Variants in FNIP2 observed in about 807,000 individuals in gnomAD.
FNIP2 encodes the protein folliculin-interacting protein 2.
Under a neutral mutation model 108.7 loss-of-function variants are expected in FNIP2, and 32 were observed. That is an observed-to-expected ratio of 0.29 (90% confidence interval 0.22 to 0.40). The LOEUF is 0.40. FNIP2 is among the 10% of genes least tolerant of loss of function. The pLI is 1.00. For missense variants in FNIP2, 1,202 were observed against 1,381.6 expected (o/e 0.87, Z 2.06); for synonymous variants, 480 against 496.7 (o/e 0.97, Z 0.45).
At chr4:158,779,737 C>CT (rs34598926) in intron 1 of FNIP2, among the ~76,000 whole-genome samples, 46,130 of 133,252 alleles carry the variant, frequency 0.35, 8,534 homozygotes, top group Middle Eastern at 0.4. Flanking sequence ...CCATACCCAC[C>CT]TTTTTTTTTT....
At chr4:158,815,448 G>GAT (rs1777511161) in intron 1 of FNIP2, among the ~76,000 whole-genome samples, 1 of 148,934 alleles carries the variant, frequency 6.7e-6, no homozygotes, top group Non-Finnish European at 1.5e-5. Flanking sequence ...AGTGGCGCCA[G>GAT]CTCCGCTCAC....
chr4:158,899,457 T>C (rs1783001393), intron 16 of FNIP2, among the ~76,000 whole-genome samples: 1 of 152,202 alleles, frequency 6.6e-6, no homozygotes, highest in African/African-American at 2.4e-5. Context: ...CTGGTAGAAT[T>C]TGGCTGTGAA....
chr4:158,787,826 C>T lies in FNIP2; in HGVS notation c.107+18507C>T, dbSNP rs77702895. Reference sequence around the variant, plus strand: ...CAGCCTCTTTCGTGTGGCGGCCCTGCCTCATTTCTCTTTGCTCTTCCCCTC... The same window carrying T: ...CAGCCTCTTTCGTGTGGCGGCCCTGTCTCATTTCTCTTTGCTCTTCCCCTC... On this transcript the variant is annotated intron_variant, in intron 1 of 16. Transcript: ENST00000264433. Among the ~76,000 whole-genome samples the T allele has an allele frequency of 7.2e-3, 1,100 of 152,242 alleles. 12 individuals carry two copies. Among genetic ancestry groups the T allele is most frequent in the Middle Eastern group, 0.02 (6 of 294 alleles).
chr4:158,891,188 C>T (rs1363214222), intron 14 of FNIP2, among the ~76,000 whole-genome samples: 1 of 150,756 alleles, frequency 6.6e-6, no homozygotes, highest in Non-Finnish European at 1.5e-5. Flanking sequence ...TCTATCCTCC[C>T]CCTCCCCCAC....
At chr4:158,816,920 G>C (rs1777611893) in intron 1 of FNIP2, among the ~76,000 whole-genome samples, 1 of 151,846 alleles carries the variant, frequency 6.6e-6, no homozygotes, top group Admixed American at 6.6e-5. Flanking sequence ...TATCAGAAAA[G>C]AATAAATAAT....
intron 1 of FNIP2, among the ~76,000 whole-genome samples, chr4:158,819,574 G>A (rs1419886555): frequency 1.3e-5 from 2 of 152,220 alleles, no homozygotes; most frequent in East Asian, 3.8e-4. Context: ...GTGCAAAATA[G>A]GGGAAGAAAG....
At chr4:158,892,473 A>G (rs1782343346) in intron 15 of FNIP2, among the ~76,000 whole-genome samples, 1 of 152,200 alleles carries the variant, frequency 6.6e-6, no homozygotes, top group African/African-American at 2.4e-5. Context: ...AAGTATCAGT[A>G]GCTCCCCCCA....
chr4:158,787,874 C>T (rs941975994), intron 1 of FNIP2, among the ~76,000 whole-genome samples: 3 of 152,220 alleles, frequency 2.0e-5, no homozygotes, highest in Admixed American at 6.5e-5. Flanking sequence ...CCAGTCAAAG[C>T]GAATTTGTCT....
chr4:158,845,325 T>C (rs1054923706), intron 7 of FNIP2, among the ~76,000 whole-genome samples: 5 of 152,234 alleles, frequency 3.3e-5, no homozygotes, highest in Non-Finnish European at 7.3e-5. Context: ...ACTGAACTCA[T>C]GCAAAAGTTC....
At position 158,879,983 on chromosome 4, in the gene FNIP2, A is replaced by C. The variant is rs1306382185; in HGVS notation, c.2949+9514A>C. Among the ~76,000 whole-genome samples, 7 of 150,332 alleles carry C rather than the reference A, an allele frequency of 4.7e-5. 1 individual carries two copies. In the South Asian group the frequency reaches 1.1e-3, roughly 23 times the overall value. On this transcript the variant is annotated intron_variant, in intron 14 of 16. Coordinates refer to ENST00000264433, the MANE Select transcript of FNIP2 (RefSeq NM_020840.3). ...GATGTGGAGAAATAGGAACACTTTT[A>C]CACTGTTGGTGGGACTGTAAACTAG... is the stretch of plus-strand genomic sequence containing the variant.
intron 16 of FNIP2, among the ~76,000 whole-genome samples, chr4:158,900,754 T>C (rs1729152227): frequency 6.6e-6 from 1 of 152,246 alleles, no homozygotes; most frequent in East Asian, 1.9e-4. Flanking sequence ...GTCTCCTGAA[T>C]ACAGCACAAT....
chr4:158,894,827 A>G (rs1782537250), intron 15 of FNIP2, among the ~76,000 whole-genome samples: 1 of 152,176 alleles, frequency 6.6e-6, no homozygotes, highest in South Asian at 2.1e-4. Flanking sequence ...AAGATTTTAA[A>G]CCAATGAAAA....
chr4:158,809,508 T>C (rs1007511284), intron 1 of FNIP2, among the ~76,000 whole-genome samples: 40 of 152,340 alleles, frequency 2.6e-4, no homozygotes, highest in African/African-American at 8.9e-4. Flanking sequence ...GTATATGGTA[T>C]CATCCTCAAA....
At chr4:158,899,323 T>C (rs994928833) in intron 16 of FNIP2, among the ~76,000 whole-genome samples, 8 of 152,154 alleles carry the variant, frequency 5.3e-5, no homozygotes, top group South Asian at 2.1e-4. Context: ...TTTTGTTGGG[T>C]CTCTGCCAGG....
At chr4:158,818,599 T>C (rs944329267) in intron 1 of FNIP2, among the ~76,000 whole-genome samples, 2 of 152,208 alleles carry the variant, frequency 1.3e-5, no homozygotes, top group African/African-American at 4.8e-5. Context: ...GGGGGTTTGA[T>C]TACATCTCAG....
chr4:158,878,343 A>G (rs1243660767), intron 14 of FNIP2, among the ~76,000 whole-genome samples: 2 of 152,182 alleles, frequency 1.3e-5, no homozygotes, highest in African/African-American at 4.8e-5. Context: ...CTATTCTTCC[A>G]TGAAAAGGAG....
intron 8 of FNIP2, among the ~76,000 whole-genome samples, chr4:158,858,538 A>AT (rs1003285505): frequency 2.6e-5 from 4 of 151,984 alleles, no homozygotes; most frequent in African/African-American, 9.7e-5. Context: ...TGCTTGGAGG[A>AT]TTTTCAGAGA....
intron 1 of FNIP2, among the ~76,000 whole-genome samples, chr4:158,793,635 AT>A (rs1489828024): frequency 2.0e-5 from 3 of 152,192 alleles, no homozygotes; most frequent in African/African-American, 7.2e-5. Flanking sequence ...TTATTATGAC[AT>A]TTAAGATTGG....
intron 1 of FNIP2, chr4:158,806,279 A>G: frequency 6.2e-6 from 8 of 1,289,412 alleles, no homozygotes; most frequent in Non-Finnish European, 8.1e-6. Context: ...ACCACAAACC[A>G]GCCAGAGAGC....
Sources: allele counts gnomAD v4.1 joint callset (sites outside exome capture counted in the v4.1 genomes callset), GRCh38; gene constraint gnomAD v4.1.1; transcripts MANE v1.5; gene names NCBI Gene and HGNC (gene_info 2026-07-23, HGNC 2026-07-21).